Variants in C5 observed in about 807,000 individuals in gnomAD.
The protein encoded by C5 is C3 and PZP-like alpha-2-macroglobulin domain-containing protein 4.
In C5, 140 loss-of-function variants were observed where a neutral mutation model predicts 218.8. That is an observed-to-expected ratio of 0.64 (90% confidence interval 0.56 to 0.74). The LOEUF is 0.74. Ranked by LOEUF, C5 falls within the 30% of genes least tolerant of loss-of-function variation. The pLI is 0.00. For missense variants in C5, 1,700 were observed against 1,969.6 expected (o/e 0.86, Z 2.59); for synonymous variants, 614 against 682.3 (o/e 0.90, Z 1.56).
intron 22 of C5, among the ~76,000 whole-genome samples, chr9:120,993,898 T>C (rs1209567863): frequency 6.6e-6 from 1 of 152,036 alleles, no homozygotes; most frequent in Admixed American, 6.6e-5. Context: ...GGAAGGGGAA[T>C]GGGAATGGGG....
At chr9:121,049,048 G>A (rs559622075) in intron 1 of C5, among the ~76,000 whole-genome samples, 2 of 152,176 alleles carry the variant, frequency 1.3e-5, no homozygotes, top group East Asian at 1.9e-4. Context: ...GCAAGCTCTA[G>A]GAATTGTCTT....
At chr9:120,980,315 A>AGGGTAGTTCATATC in intron 27 of C5, 61 bp from the exon 28 acceptor site, 1 of 1,421,386 alleles carries the variant, frequency 7.0e-7, no homozygotes, top group Non-Finnish European at 9.9e-7. Flanking sequence ...AATTGATATG[A>AGGGTAGTTCATATC]ACTACCCTCA....
upstream of C5, among the ~76,000 whole-genome samples, chr9:121,052,677 C>T (rs2131833549): frequency 6.6e-6 from 1 of 152,146 alleles, no homozygotes; most frequent in African/African-American, 2.4e-5. Context: ...CCCTCTTGAG[C>T]CCTGCTTAGT....
intron 7 of C5, among the ~76,000 whole-genome samples, chr9:121,029,111 T>C (rs2047451755): frequency 6.6e-6 from 1 of 152,236 alleles, no homozygotes; most frequent in Non-Finnish European, 1.5e-5. Context: ...CCCTTTTTAG[T>C]TTAGAATTAA....
At chr9:121,004,669 A>T (rs1328707636) in intron 20 of C5, among the ~76,000 whole-genome samples, 3 of 152,048 alleles carry the variant, frequency 2.0e-5, no homozygotes, top group African/African-American at 7.2e-5. Context: ...GCTACTCAGG[A>T]GGCTGAGTCA....
chr9:121,041,925 T>C (rs2047584926), intron 3 of C5, among the ~76,000 whole-genome samples: 1 of 152,208 alleles, frequency 6.6e-6, no homozygotes, highest in Non-Finnish European at 1.5e-5. Context: ...TTTTCCTTTC[T>C]GAGCTGATCA....
At position 121,009,867 on chromosome 9, in the gene C5, G is replaced by A. The variant is rs2047247458; in HGVS notation, c.2258-1369C>T. 2.0e-5 allele frequency among the ~76,000 whole-genome samples: 3 copies of A among 152,222 alleles called. No individual in the cohort carries two copies. The South Asian group carries it at 6.2e-4, about 32-fold the overall frequency. On this transcript the variant is annotated intron_variant, in intron 17 of 40. Transcript: ENST00000223642. Reference sequence around the variant, plus strand: ...GGGAGAGGGAGAGTGCAGTCATTCTGTGGCTTTGCATTGAACTCAGTGTTG... The same window carrying A: ...GGGAGAGGGAGAGTGCAGTCATTCTATGGCTTTGCATTGAACTCAGTGTTG...
Position 120,997,529 on chromosome 9 carries a change from G to T in C5, c.2790+18C>A. On this transcript the variant is annotated intron_variant, in intron 21 of 40. Transcript: ENST00000223642. Reference sequence around the variant, plus strand: ...TGCAATAATTTAAGCATAAGTTATTGAAGCATGTTTTTCTTACCACCACTC... The same window carrying T: ...TGCAATAATTTAAGCATAAGTTATTTAAGCATGTTTTTCTTACCACCACTC... 1 of 1,528,334 alleles carries T rather than the reference G, an allele frequency of 6.5e-7. No individual in the cohort carries two copies. The highest frequency in any genetic ancestry group is 1.1e-5 in the South Asian group (1 of 89,170). 94.7% of individuals were successfully genotyped at this position (1,528,334 alleles called of 1,614,324 possible). A position where few individuals can be genotyped will look rare whatever the true frequency, so the allele number is the denominator to read the frequency against.
the C5 span, among the ~76,000 whole-genome samples, chr9:121,068,982 G>A: frequency 1.3e-5 from 2 of 152,102 alleles, no homozygotes; most frequent in South Asian, 4.1e-4. Context: ...AACCTTGTAC[G>A]TGAGTTTATA....
intron 33 of C5, among the ~76,000 whole-genome samples, chr9:120,964,321 T>C (rs1344616171): frequency 6.6e-6 from 1 of 152,000 alleles, no homozygotes; most frequent in African/African-American, 2.4e-5. Flanking sequence ...TTACTAAAAA[T>C]ACAAAAAAAA....
chr9:121,012,388 C>T (rs1017541078), intron 17 of C5, among the ~76,000 whole-genome samples: 1 of 152,120 alleles, frequency 6.6e-6, no homozygotes, highest in Non-Finnish European at 1.5e-5. Context: ...GTGGCAGGTG[C>T]ATGTAATCCC....
At chr9:121,002,713 G>A (rs12685344) in intron 20 of C5, among the ~76,000 whole-genome samples, 12,140 of 151,978 alleles carry the variant, frequency 0.08, 521 homozygotes, top group Non-Finnish European at 0.095. Context: ...ATGGCCTTTG[G>A]TATCTCTATC....
In C5 at chr9:120,969,898, T is replaced by G. The variant is rs932006055; in HGVS notation, c.4162+272A>C. ...TGTGGCTTTACAACTAGTTACACTC[T>G]TTAAAAATAACATAGTCAAAACAAT... On this transcript the variant is annotated intron_variant, in intron 32 of 40. Transcript: ENST00000223642. 9.2e-5 allele frequency among the ~76,000 whole-genome samples: 14 copies of G among 152,230 alleles called. No individual in the cohort carries two copies. In the East Asian group the frequency reaches 2.7e-3, roughly 29 times the overall value.
At position 120,982,678 on chromosome 9, in the gene C5, G is replaced by A. The variant is rs1433198936; in HGVS notation, c.3367C>T (p.Gln1123Ter). The A allele has an allele frequency of 1.2e-6, 2 of 1,606,338 alleles. No homozygotes were observed. Among genetic ancestry groups the A allele is most frequent in the South Asian group, 1.1e-5 (1 of 90,692 alleles). Residue 1123 changes from glutamine to a stop codon, truncating the protein, a stop_gained, in exon 26 of 41, where the codon CAG (glutamine) becomes TAG (stop). Transcript: ENST00000223642. LOFTEE classifies it high-confidence loss of function. ...ACCTGTAATTTTATTGGTTGATACT[G>A]TGAATTTTCCTTGAAAGATCCATTA... Reference protein sequence around the residue: ...LDNGSFKENSQYQPIKLQGTL... With the variant: ...LDNGSFKENS
the C5 span, among the ~76,000 whole-genome samples, chr9:121,064,840 G>A: frequency 3.9e-5 from 6 of 152,124 alleles, no homozygotes; most frequent in Admixed American, 6.5e-5. Context: ...TGAGGAAGGC[G>A]GATCAGCTGA....
chr9:121,001,353 A>G (rs1458170139), intron 20 of C5, among the ~76,000 whole-genome samples: 1 of 152,178 alleles, frequency 6.6e-6, no homozygotes, highest in African/African-American at 2.4e-5. Flanking sequence ...AGTATATAGG[A>G]TATCATAGAA....
At chr9:121,053,958 C>T (rs1369008735), upstream of C5, among the ~76,000 whole-genome samples, 1 of 152,136 alleles carries the variant, frequency 6.6e-6, no homozygotes, top group African/African-American at 2.4e-5. Context: ...ATTTGAGTGG[C>T]AGTCAGGACA....
chr9:121,030,696 A>C (rs2047467006), intron 6 of C5, among the ~76,000 whole-genome samples: 1 of 152,208 alleles, frequency 6.6e-6, no homozygotes, highest in Non-Finnish European at 1.5e-5. Context: ...AGGTCAATCC[A>C]GAAGCACTTT....
intron 20 of C5, among the ~76,000 whole-genome samples, chr9:121,002,623 T>C (rs917639041): frequency 1.3e-5 from 2 of 152,098 alleles, no homozygotes; most frequent in Non-Finnish European, 2.9e-5. Flanking sequence ...ACTGTCTTAG[T>C]ATCTCAGTTT....
Sources: gnomAD v4.1 joint callset for allele counts (sites outside exome capture counted in the v4.1 genomes callset) on GRCh38, gnomAD v4.1.1 for gene constraint, MANE v1.5 for transcripts, NCBI Gene and HGNC (gene_info 2026-07-23, HGNC 2026-07-21) for gene names.